OXR1: variants seen among roughly 807,000 people sequenced by gnomAD.
The protein encoded by OXR1 is oxidation resistance protein 1.
In OXR1, 41 loss-of-function variants were observed where a neutral mutation model predicts 104.6. The ratio of observed to expected loss-of-function variants is 0.39; its 90% confidence interval spans 0.31 to 0.51. The LOEUF (loss-of-function observed/expected upper bound fraction) is 0.51, where lower values mean the gene tolerates loss of function less well. Ranked by LOEUF, OXR1 falls within the 20% of genes least tolerant of loss-of-function variation. OXR1 has a pLI of 0.77. For missense variants in OXR1, 955 were observed against 1,031.9 expected, an observed-to-expected ratio of 0.93 and a Z score of 1.02; for synonymous variants, 348 against 348.4, an observed-to-expected ratio of 1.00 and a Z score of 0.01.
chr8:106,636,821 A>G (rs1036565571), intron 3 of OXR1, among the ~76,000 whole-genome samples: 1 of 152,174 alleles, frequency 6.6e-6, no homozygotes, highest in African/African-American at 2.4e-5. Flanking sequence ...TGCTACTTAC[A>G]TTCCTGTCAT....
intron 2 of OXR1, among the ~76,000 whole-genome samples, chr8:106,471,247 ATAT>A (rs1323025434): frequency 6.6e-6 from 1 of 151,790 alleles, no homozygotes; most frequent in Non-Finnish European, 1.5e-5. Flanking sequence ...ATGATAAGAA[ATAT>A]TATCTAGTAC....
At chr8:106,286,674 T>G (rs1812515036) in intron 1 of OXR1, among the ~76,000 whole-genome samples, 1 of 139,260 alleles carries the variant, frequency 7.2e-6, no homozygotes, top group Non-Finnish European at 1.6e-5. Flanking sequence ...TGTGTTGCTA[T>G]GTACTACAGA....
At chr8:106,732,891 G>T (rs1834022825) in intron 11 of OXR1, among the ~76,000 whole-genome samples, 1 of 152,072 alleles carries the variant, frequency 6.6e-6, no homozygotes, top group South Asian at 2.1e-4. Context: ...TGTCCTCACA[G>T]AATTAGTTAA....
chr8:106,702,549 T>C (rs1305102238), intron 7 of OXR1, among the ~76,000 whole-genome samples: 4 of 152,200 alleles, frequency 2.6e-5, no homozygotes, highest in African/African-American at 9.6e-5. Context: ...TATTTGGTAC[T>C]TGTAGTGAGG....
chr8:106,575,963 G>C (rs182697741), intron 3 of OXR1, among the ~76,000 whole-genome samples: 2 of 144,940 alleles, frequency 1.4e-5, no homozygotes, highest in East Asian at 2.0e-4. Flanking sequence ...AAATGACAAA[G>C]AGAAGAGATA....
intron 3 of OXR1, among the ~76,000 whole-genome samples, chr8:106,549,057 A>C (rs1586794085): frequency 6.6e-6 from 1 of 152,112 alleles, no homozygotes; most frequent in Admixed American, 6.5e-5. Flanking sequence ...CCTGCCTCAA[A>C]GTCATGATCA....
intron 1 of OXR1, among the ~76,000 whole-genome samples, chr8:106,325,214 C>G (rs898771666): frequency 1.3e-5 from 2 of 152,310 alleles, no homozygotes; most frequent in Middle Eastern, 3.4e-3. Flanking sequence ...TTCCTTACCT[C>G]TTAACATATT....
At chr8:106,419,482 A>G (rs961246510) in intron 2 of OXR1, among the ~76,000 whole-genome samples, 2 of 152,136 alleles carry the variant, frequency 1.3e-5, no homozygotes, top group African/African-American at 2.4e-5. Context: ...TAAACAGGTG[A>G]TAGATGAGCT....
chr8:106,586,529 T>C (rs761082751), intron 3 of OXR1, among the ~76,000 whole-genome samples: 9 of 152,170 alleles, frequency 5.9e-5, no homozygotes, highest in Non-Finnish European at 8.8e-5. Flanking sequence ...ATAAACTAGC[T>C]GGCTATTTGA....
At chr8:106,700,231 G>T (rs1286836168) in intron 7 of OXR1, among the ~76,000 whole-genome samples, 4 of 152,136 alleles carry the variant, frequency 2.6e-5, no homozygotes, top group Admixed American at 6.5e-5. Flanking sequence ...ATATAATCCT[G>T]ATAATATGTA....
At chr8:106,483,448 G>A (rs761804187) in intron 2 of OXR1, among the ~76,000 whole-genome samples, 4 of 151,862 alleles carry the variant, frequency 2.6e-5, no homozygotes, top group Non-Finnish European at 5.9e-5. Context: ...TGTAATCCCA[G>A]CTGTTTGGGA....
At chr8:106,340,143 A>C (rs566266884) in intron 1 of OXR1, among the ~76,000 whole-genome samples, 47 of 151,982 alleles carry the variant, frequency 3.1e-4, no homozygotes, top group African/African-American at 1.1e-3. Context: ...CCTTTTAACC[A>C]TAACTCCGGT....
In OXR1 at chr8:106,395,021, G is replaced by C. The variant is rs531385157; in HGVS notation, c.23+35385G>C. ...AAAAGTAGTGGGGGGAAAAGTAATTGACCTGAATAACTTTAGAAAACATTG... is the reference window on the plus strand; with the variant it reads ...AAAAGTAGTGGGGGGAAAAGTAATTCACCTGAATAACTTTAGAAAACATTG... On this transcript the variant is annotated intron_variant, in intron 2 of 16. Transcript: ENST00000517566. Among the ~76,000 whole-genome samples the C allele has an allele frequency of 2.0e-3, 293 of 143,452 alleles. 1 individual carries two copies. The highest frequency in any genetic ancestry group is 6.7e-3 in the African/African-American group (257 of 38,376). The allele number at this position is 143,452 out of a possible 152,430, so 94.1% of individuals were successfully genotyped here.
chr8:106,689,198 C>G (rs1393297966), intron 6 of OXR1, among the ~76,000 whole-genome samples: 1 of 152,062 alleles, frequency 6.6e-6, no homozygotes, highest in Admixed American at 6.5e-5. Flanking sequence ...AGAGGAGAAT[C>G]ATTTCTTGCC....
chr8:106,385,976 G>A (rs1817354534), intron 2 of OXR1, among the ~76,000 whole-genome samples: 2 of 152,152 alleles, frequency 1.3e-5, no homozygotes, highest in Non-Finnish European at 2.9e-5. Context: ...GCCTTGGAAT[G>A]TGTGAAAATG....
intron 1 of OXR1, among the ~76,000 whole-genome samples, chr8:106,331,617 G>A (rs1179174797): frequency 3.3e-5 from 5 of 152,050 alleles, no homozygotes; most frequent in African/African-American, 1.2e-4. Flanking sequence ...TAATGGTAAA[G>A]GGAAGCATTA....
rs1277134609 is a variant in OXR1 at position 106,487,654 on chromosome 8, T to C, written c.24-31289T>C. 8.7e-5 allele frequency among the ~76,000 whole-genome samples: 13 copies of C among 148,962 alleles called. No homozygotes were observed. The Admixed American group carries it at 8.7e-4, about 10-fold the overall frequency. On this transcript the variant is annotated intron_variant, in intron 2 of 16. Coordinates refer to ENST00000517566, the MANE Select transcript of OXR1 (RefSeq NM_001198533.2). ...GATCTCATTGTTCAATTCCCACCTATGAGTGAGAATATGCGGTGTTTGGTT... is the reference window on the plus strand; with the variant it reads ...GATCTCATTGTTCAATTCCCACCTACGAGTGAGAATATGCGGTGTTTGGTT...
At chr8:106,701,979 T>C (rs961185815) in intron 7 of OXR1, among the ~76,000 whole-genome samples, 4 of 152,222 alleles carry the variant, frequency 2.6e-5, no homozygotes, top group Admixed American at 2.6e-4. Context: ...TTATTTGTTT[T>C]ATTTTTTTGA....
chr8:106,546,121 T>A (rs181964107), intron 3 of OXR1, among the ~76,000 whole-genome samples: 2 of 152,356 alleles, frequency 1.3e-5, no homozygotes, highest in Admixed American at 1.3e-4. Flanking sequence ...CGGTAGGGTC[T>A]CATTCTACCC....
Sources: allele counts gnomAD v4.1 joint callset (sites outside exome capture counted in the v4.1 genomes callset), GRCh38; gene constraint gnomAD v4.1.1; transcripts MANE v1.5; gene names NCBI Gene and HGNC (gene_info 2026-07-23, HGNC 2026-07-21).